Variants in TRDMT1 observed in about 807,000 individuals in gnomAD.
TRDMT1 encodes the protein tRNA (cytosine(38)-C(5))-methyltransferase.
In TRDMT1, 49 loss-of-function variants were observed where a neutral mutation model predicts 51.2. The observed-to-expected ratio is 0.96, with a 90% confidence interval of 0.76 to 1.21. TRDMT1 has a LOEUF of 1.21. TRDMT1 is among the 50% of genes most tolerant of loss of function. TRDMT1 has a pLI of 0.00. For synonymous variants in TRDMT1, 187 were observed against 164.6 expected (o/e 1.14, Z -1.04); for missense variants, 534 against 462.3 (o/e 1.16, Z -1.42).
chr10:17,169,262 T>A, intron 2 of TRDMT1: 1 of 985,272 alleles, frequency 1.0e-6, no homozygotes, highest in South Asian at 1.8e-5. Flanking sequence ...TATTTTATAA[T>A]TGATAACGTT....
chr10:17,162,254 A>C lies in TRDMT1; in HGVS notation c.252-17T>G, dbSNP rs1168665293. The C allele has an allele frequency of 6.5e-7, 1 of 1,531,716 alleles. No homozygotes were observed. The highest frequency in any genetic ancestry group is 2.3e-5 in the East Asian group (1 of 44,410). 94.9% of individuals were successfully genotyped at this position (1,531,716 alleles called of 1,614,324 possible). A position where few individuals can be genotyped will look rare whatever the true frequency, so the allele number is the denominator to read the frequency against. ...CGGCCAATCCTAAAGGGGTAAAAAA[A>C]AAAAAAAACAAAAAAAAACACAGAA... is the stretch of plus-strand genomic sequence containing the variant. On this transcript the variant is annotated splice_polypyrimidine_tract_variant and intron_variant, in intron 3 of 10. Coordinates refer to ENST00000377799, the MANE Select transcript of TRDMT1 (RefSeq NM_004412.7).
intron 3 of TRDMT1, among the ~76,000 whole-genome samples, chr10:17,166,953 T>A (rs937710901): frequency 2.0e-5 from 3 of 152,182 alleles, no homozygotes; most frequent in Non-Finnish European, 2.9e-5. Flanking sequence ...ATACTCCTAA[T>A]CTACCTCCAG....
At chr10:17,197,042 T>C (rs1049820369) in intron 1 of TRDMT1, among the ~76,000 whole-genome samples, 4 of 152,114 alleles carry the variant, frequency 2.6e-5, no homozygotes, top group African/African-American at 7.2e-5. Context: ...ACCCACACTA[T>C]AGTGTGGGCA....
chr10:17,162,084 C>A, intron 4 of TRDMT1, 82 bp downstream of exon 4: 1 of 1,270,676 alleles, frequency 7.9e-7, no homozygotes, highest in South Asian at 1.3e-5. Flanking sequence ...TGGCTATCCT[C>A]TACAAAATGA....
intron 1 of TRDMT1, among the ~76,000 whole-genome samples, chr10:17,181,174 G>A (rs2131556379): frequency 6.6e-6 from 1 of 152,288 alleles, no homozygotes; most frequent in Middle Eastern, 3.4e-3. Context: ...GACAGAATAA[G>A]TGCATCACAC....
chr10:17,162,284 T>C, intron 3 of TRDMT1, 47 bp from the exon 4 acceptor site: 1 of 1,512,060 alleles, frequency 6.6e-7, no homozygotes, highest in Non-Finnish European at 9.0e-7. Context: ...ACAGAAAGTT[T>C]ATTAAGAATC....
rs2131340925 is a variant in TRDMT1 at position 17,138,110 on chromosome 10, G to T, written c.*10930C>A. On this transcript the variant is annotated 3_prime_UTR_variant, in exon 11 of 11. Transcript: ENST00000377799. ...GAGATGCAGAGGTGCGTTGGAGGAT[G>T]GACAAATTGGCAAGATTCTCACACC... is the stretch of plus-strand genomic sequence containing the variant. 6.6e-6 allele frequency among the ~76,000 whole-genome samples: 1 copy of T among 152,252 alleles called. No individual in the cohort carries two copies. The highest frequency in any genetic ancestry group is 1.5e-5 in the Non-Finnish European group (1 of 68,020).
chr10:17,200,036 A>C (rs4748362), intron 1 of TRDMT1, among the ~76,000 whole-genome samples: 49,227 of 152,092 alleles, frequency 0.32, 9,752 homozygotes, highest in South Asian at 0.49. Context: ...CTGAAAAGCA[A>C]TTTGCTATCC....
chr10:17,161,356 A>G, intron 5 of TRDMT1, 127 bp downstream of exon 5: 1 of 612,250 alleles, frequency 1.6e-6, no homozygotes, highest in Non-Finnish European at 2.4e-6. Context: ...AATACTGATG[A>G]GTAAGACATT....
chr10:17,157,636 T>C lies in TRDMT1; in HGVS notation c.692A>G (p.Lys231Arg). ...GTGAATTTCTTCTGCAGTTTCAAGCTTAAAAAGAATGGCATCTTTTCCAGA... is the reference window on the plus strand; with the variant it reads ...GTGAATTTCTTCTGCAGTTTCAAGCCTAAAAAGAATGGCATCTTTTCCAGA... ...QCSGKDAILF[K>R]LETAEEIHRK... Residue 231 changes from lysine (K) to arginine (R), a missense_variant, in exon 8 of 11, where the codon AAG becomes AGG. Lys to Arg is a conservative substitution (Grantham distance 26). Transcript: ENST00000377799. The C allele has an allele frequency of 1.2e-6, 2 of 1,613,804 alleles. No individual in the cohort carries two copies. Among genetic ancestry groups the C allele is most frequent in the Non-Finnish European group, 1.7e-6 (2 of 1,179,852 alleles).
chr10:17,154,731 A>G lies in TRDMT1; in HGVS notation c.891T>C (p.Tyr297=), dbSNP rs373596044. ...ACCCTGTCCCTTCTATGTAGCTTCC[A>G]TATCTGAAAAATCAACACAACAATT... is the stretch of plus-strand genomic sequence containing the variant. ...CRRSVCFTKG[Y]GSYIEGTGSV... is the part of the protein sequence containing the mutation. Residue 297 remains tyrosine, a synonymous_variant, in exon 9 of 11, where the codon TAT becomes TAC. Transcript: ENST00000377799. 27 of 1,602,974 alleles carry G rather than the reference A, an allele frequency of 1.7e-5. No individual in the cohort carries two copies. Among genetic ancestry groups the G allele is most frequent in the Non-Finnish European group, 2.2e-5 (26 of 1,175,114 alleles).
intron 6 of TRDMT1, 45 bp from the exon 7 acceptor site, chr10:17,159,274 G>A (rs374035720): frequency 2.8e-6 from 4 of 1,416,336 alleles, no homozygotes; most frequent in Admixed American, 4.2e-5. Flanking sequence ...AAATTAAAGA[G>A]AGCGGTACCA....
At chr10:17,175,561 AATC>A (rs763080774) in intron 1 of TRDMT1, among the ~76,000 whole-genome samples, 12 of 152,162 alleles carry the variant, frequency 7.9e-5, no homozygotes, top group Non-Finnish European at 1.3e-4. Flanking sequence ...GACTTCAGAA[AATC>A]ATCAGAGAAA....
At chr10:17,165,592 A>G (rs1404995261) in intron 3 of TRDMT1, among the ~76,000 whole-genome samples, 1 of 152,190 alleles carries the variant, frequency 6.6e-6, no homozygotes, top group Non-Finnish European at 1.5e-5. Context: ...AACCTACAGA[A>G]TGGGAGAAAA....
intron 10 of TRDMT1, chr10:17,151,986 C>A: frequency 1.6e-6 from 2 of 1,288,332 alleles, no homozygotes; most frequent in Admixed American, 2.5e-5. Context: ...TCAGTATTAC[C>A]AAAGTGACTA....
At position 17,144,849 on chromosome 10, in the gene TRDMT1, C is replaced by T. The variant is rs139283795; in HGVS notation, c.*4191G>A. ...TTAAACTGAAGCTTTAAAATTTCAC[C>T]AGCAAAGACAAGAAATAGTGAAAGG... On this transcript the variant is annotated 3_prime_UTR_variant, in exon 11 of 11. Coordinates refer to ENST00000377799, the MANE Select transcript of TRDMT1 (RefSeq NM_004412.7). 89 of 984,848 alleles carry T rather than the reference C, an allele frequency of 9.0e-5. No individual in the cohort carries two copies. In the African/African-American group the frequency reaches 1.4e-3, roughly 15 times the overall value. The allele number at this position is 984,848 out of a possible 1,614,324, so 61.0% of individuals were successfully genotyped here. A position where few individuals can be genotyped will look rare whatever the true frequency, so the allele number is the denominator to read the frequency against.
intron 1 of TRDMT1, among the ~76,000 whole-genome samples, chr10:17,200,071 C>T (rs1009538527): frequency 5.3e-5 from 8 of 152,188 alleles, no homozygotes; most frequent in Admixed American, 1.3e-4. Context: ...CTTAAAAATT[C>T]TGTTTTTCAC....
Position 17,157,727 on chromosome 10 carries a change from C to T in TRDMT1, c.601G>A (p.Val201Ile). The change falls in exon 8 of 11, where the codon GTA becomes ATA. Residue 201 changes from valine (V) to isoleucine (I), a missense_variant. Val to Ile is a conservative substitution (Grantham distance 29). Transcript: ENST00000377799. ...TTCTTTTCTTGAATTTTATTTTCTA[C>T]ATCCATTGCATATTTTTGTGGATGT... ...SVHPQKYAMD[V>I]ENKIQEKNVE... The T allele has an allele frequency of 6.2e-7, 1 of 1,610,810 alleles. No homozygotes were observed. Among genetic ancestry groups the T allele is most frequent in the South Asian group, 1.1e-5 (1 of 90,712 alleles).
At position 17,144,553 on chromosome 10, in the gene TRDMT1, C is replaced by T; in HGVS notation, c.*4487G>A. ...GTGCTGGATGTGGCTGAAAGTAAGA[C>T]TCAGAATCTATGGTAAATATAAAGC... On this transcript the variant is annotated 3_prime_UTR_variant, in exon 11 of 11. Transcript: ENST00000377799. The T allele has an allele frequency of 1.0e-6, 1 of 985,726 alleles. No homozygotes were observed. Among genetic ancestry groups the T allele is most frequent in the Non-Finnish European group, 1.2e-6 (1 of 829,922 alleles). 61.1% of individuals were successfully genotyped at this position (985,726 alleles called of 1,614,324 possible).
Sources: gnomAD v4.1 joint callset for allele counts (sites outside exome capture counted in the v4.1 genomes callset) on GRCh38, gnomAD v4.1.1 for gene constraint, MANE v1.5 for transcripts, NCBI Gene and HGNC (gene_info 2026-07-23, HGNC 2026-07-21) for gene names.